ERI2: variants seen among roughly 807,000 people sequenced by gnomAD.
The protein encoded by ERI2 is ERI1 exoribonuclease 2.
ERI2 carries 35 observed loss-of-function variants against 46.8 expected under a neutral mutation model. The observed-to-expected ratio is 0.75, with a 90% CI of 0.57 to 0.99. ERI2 has a LOEUF of 0.99. Among genes scored for constraint, ERI2 ranks in the 50% least tolerant of loss-of-function variants. ERI2 has a pLI of 0.00. For missense variants in ERI2, 695 were observed against 796.2 expected (o/e 0.87, Z 1.53); for synonymous variants, 224 against 271.0 (o/e 0.83, Z 1.70).
chr16:20,801,416 A>G, intron 4 of ERI2, 57 bp from the exon 5 acceptor site: 1 of 1,506,120 alleles, frequency 6.6e-7, no homozygotes, highest in Non-Finnish European at 8.9e-7. Flanking sequence ...ATTATTTAGC[A>G]TGTTTTATAA....
Position 20,800,026 on chromosome 16 carries a change from T to C in ERI2, c.574A>G (p.Arg192Gly). 1 of 1,591,734 alleles carries C rather than the reference T, an allele frequency of 6.3e-7. No individual in the cohort carries two copies. The highest frequency in any genetic ancestry group is 8.6e-7 in the Non-Finnish European group (1 of 1,164,896). Residue 192 changes from arginine (R) to glycine (G), a missense_variant, in exon 7 of 9, where the codon AGA becomes GGA. By Grantham distance (125) the Arg-to-Gly change is moderately radical. Transcript: ENST00000357967. ...LRATYKLFYR[R>G]KPKGLSGALQ... ...GCACCACTTAGTCCTTTTGGTTTTC[T>C]CCTATAGAAAAGCTAACCAATAAAA... is the stretch of plus-strand genomic sequence containing the variant.
At chr16:20,806,168 G>T in intron 1 of ERI2, 1 of 1,394,028 alleles carries the variant, frequency 7.2e-7, no homozygotes, top group East Asian at 2.8e-5. Context: ...CACAGTCAAG[G>T]CCCCAGGGTT....
chr16:20,788,293 C>G (rs1567360717), intron 10 of ERI2, among the ~76,000 whole-genome samples: 1 of 152,098 alleles, frequency 6.6e-6, no homozygotes, highest in Admixed American at 6.5e-5. Flanking sequence ...CAGCTATGTT[C>G]TTTTTCTTCC....
At position 20,796,659 on chromosome 16, in the gene ERI2, G is replaced by A; in HGVS notation, c.*1065C>T. ...ATCTTTGAGATTAAAATGAAACCCT[G>A]AACCTATTTTGTTTGGTCCTTTGGC... On this transcript the variant is annotated 3_prime_UTR_variant, in exon 9 of 9. Coordinates refer to ENST00000357967, the MANE Select transcript of ERI2 (RefSeq NM_001142725.2). 6.8e-7 allele frequency: 1 copy of A among 1,480,142 alleles called. No individual in the cohort carries two copies. The highest frequency in any genetic ancestry group is 8.9e-7 in the Non-Finnish European group (1 of 1,123,046). The allele number at this position is 1,480,142 out of a possible 1,614,324, so 91.7% of individuals were successfully genotyped here.
chr16:20,780,789 A>T (rs1013644207), intron 10 of ERI2: 3 of 1,614,236 alleles, frequency 1.9e-6, no homozygotes, highest in Non-Finnish European at 2.5e-6. Context: ...CCAGTGGAAC[A>T]AGTGGATATC....
At chr16:20,806,162 G>A (rs960639562) in intron 1 of ERI2, 21 of 1,391,758 alleles carry the variant, frequency 1.5e-5, no homozygotes, top group African/African-American at 4.5e-5. Context: ...AGGCCACACA[G>A]TCAAGGCCCC....
chr16:20,800,231 C>T, intron 6 of ERI2, 71 bp downstream of exon 6: 1 of 1,073,138 alleles, frequency 9.3e-7, no homozygotes, highest in Non-Finnish European at 1.4e-6. Context: ...AAACCCATGC[C>T]CATGTGTAGG....
At chr16:20,780,819 C>A in intron 10 of ERI2, 2 of 1,614,190 alleles carry the variant, frequency 1.2e-6, no homozygotes, top group Non-Finnish European at 1.7e-6. Flanking sequence ...CTGCACACAC[C>A]CACAGCAGTT....
chr16:20,796,214 G>A (rs1596545637), downstream of ERI2: 1 of 1,291,192 alleles, frequency 7.7e-7, no homozygotes, highest in Non-Finnish European at 1.0e-6. Context: ...AGACCAGGAA[G>A]TGGCTGGCTT....
Position 20,797,586 on chromosome 16 carries a change from A to C in ERI2, c.*138T>G, listed in dbSNP as rs1314200949. 9 of 1,308,826 alleles carry C rather than the reference A, an allele frequency of 6.9e-6. No individual in the cohort carries two copies. Among genetic ancestry groups the C allele is most frequent in the Admixed American group, 7.3e-5 (2 of 27,558 alleles). The allele number at this position is 1,308,826 out of a possible 1,614,324, so 81.1% of individuals were successfully genotyped here. Reference sequence around the variant, plus strand: ...ATAAATACTGTTTACAAAAGATTACACTTGTGGTTCCTGAAGAAAGTATGG... The same window carrying C: ...ATAAATACTGTTTACAAAAGATTACCCTTGTGGTTCCTGAAGAAAGTATGG... On this transcript the variant is annotated 3_prime_UTR_variant, in exon 9 of 9. Transcript: ENST00000357967.
In ERI2 at chr16:20,790,442, G is replaced by A. The variant is rs1316290079; in HGVS notation, c.815+408C>T. The A allele has an allele frequency of 2.8e-6, 2 of 716,958 alleles. No individual in the cohort carries two copies. Among genetic ancestry groups the A allele is most frequent in the Non-Finnish European group, 4.7e-6 (2 of 425,558 alleles). 44.4% of individuals were successfully genotyped at this position (716,958 alleles called of 1,614,324 possible). A position where few individuals can be genotyped will look rare whatever the true frequency, so the allele number is the denominator to read the frequency against. On this transcript the variant is annotated intron_variant, in intron 9 of 10. Coordinates refer to the ERI2 transcript ENST00000300005. The surrounding 1 kb of genome is among the most constrained non-coding windows in gnomAD (Gnocchi z 4.0). ...ACTGCACTCCAGCCTGGGTGACAAA[G>A]TGAGACCTTGTCTCACACACACAAA...
chr16:20,791,937 A>AG (rs878872225), downstream of ERI2: 398 of 1,582,144 alleles, frequency 2.5e-4, 3 homozygotes, highest in South Asian at 3.9e-3. Flanking sequence ...GAAAAAAAAA[A>AG]AAAAATTCCA....
At chr16:20,803,980 C>G (rs934859423) in intron 1 of ERI2, among the ~76,000 whole-genome samples, 3 of 151,804 alleles carry the variant, frequency 2.0e-5, no homozygotes, top group Non-Finnish European at 4.4e-5. Flanking sequence ...AGTCTCCTGA[C>G]TAAGACTACA....
chr16:20,797,536 A>T lies in ERI2; in HGVS notation c.*188T>A. Reference sequence around the variant, plus strand: ...AACTATAAAAGAAGGATCATATACTATTGTTGCTTATTATATGTAATCTAA... The same window carrying T: ...AACTATAAAAGAAGGATCATATACTTTTGTTGCTTATTATATGTAATCTAA... On this transcript the variant is annotated 3_prime_UTR_variant, in exon 9 of 9. Coordinates refer to ENST00000357967, the MANE Select transcript of ERI2 (RefSeq NM_001142725.2). The T allele has an allele frequency of 8.3e-7, 1 of 1,211,062 alleles. No individual in the cohort carries two copies. The highest frequency in any genetic ancestry group is 1.6e-5 in the African/African-American group (1 of 63,620). 75.0% of individuals were successfully genotyped at this position (1,211,062 alleles called of 1,614,324 possible).
At chr16:20,791,955 A>AG, downstream of ERI2, 1 of 1,593,504 alleles carries the variant, frequency 6.3e-7, no homozygotes, top group Non-Finnish European at 8.5e-7. Flanking sequence ...CCAATTGACC[A>AG]GAAGAGTTGG....
At chr16:20,791,654 C>T (rs757375554), downstream of ERI2, among the ~76,000 whole-genome samples, 2 of 152,136 alleles carry the variant, frequency 1.3e-5, no homozygotes, top group East Asian at 1.9e-4. Flanking sequence ...GGGCCAGGAG[C>T]GGTGGCTTAT....
rs767002375 is a variant in ERI2, at chr16:20,790,938, A to C, written c.733-6T>G. The C allele has an allele frequency of 6.2e-7, 1 of 1,613,696 alleles. No individual in the cohort carries two copies. Among genetic ancestry groups the C allele is most frequent in the Non-Finnish European group, 8.5e-7 (1 of 1,179,810 alleles). Reference sequence around the variant, plus strand: ...GAAGGCAAGAGGAAGGGACCCTAGAAAGAGGACAGCCTCTTAACATCCCCT... The same window carrying C: ...GAAGGCAAGAGGAAGGGACCCTAGACAGAGGACAGCCTCTTAACATCCCCT... On this transcript the variant is annotated splice_region_variant and splice_polypyrimidine_tract_variant and intron_variant, in intron 8 of 10. Transcript: ENST00000300005. This position sits in a 1 kb window ranked among gnomAD's most constrained non-coding sequence, Gnocchi z 4.0.
chr16:20,791,523 G>T (rs1035376211), downstream of ERI2, among the ~76,000 whole-genome samples: 1 of 152,150 alleles, frequency 6.6e-6, no homozygotes, highest in South Asian at 2.1e-4. Context: ...CCTTTCTTCT[G>T]TCGGGCTAGC....
intron 10 of ERI2, among the ~76,000 whole-genome samples, chr16:20,789,253 A>G (rs2080540161): frequency 1.3e-5 from 2 of 152,210 alleles, no homozygotes; most frequent in East Asian, 1.9e-4. Context: ...AATCATGCAC[A>G]GTGTTAAACT....
Sources: gnomAD v4.1 joint callset for allele counts (sites outside exome capture counted in the v4.1 genomes callset) on GRCh38, gnomAD v4.1.1 for gene constraint, Gnocchi (gnomAD v3.1) non-coding constraint, MANE v1.5 for transcripts, NCBI Gene and HGNC (gene_info 2026-07-23, HGNC 2026-07-21) for gene names.